MAGI1: variants seen among roughly 807,000 people sequenced by gnomAD.
MAGI1 encodes membrane-associated guanylate kinase, WW and PDZ domain-containing protein 1.
A neutral mutation model predicts 139.9 loss-of-function variants in MAGI1; 58 were observed. The observed-to-expected ratio is 0.41, with a 90% CI of 0.34 to 0.52. The LOEUF is 0.52. Among genes scored for constraint, MAGI1 ranks in the 20% least tolerant of loss-of-function variants. The pLI is 0.12. For missense variants in MAGI1, 1,874 were observed against 1,901.6 expected (o/e 0.99, Z 0.27); for synonymous variants, 812 against 737.9 (o/e 1.10, Z -1.63).
chr3:65,703,833 G>C (rs927912003), intron 1 of MAGI1, among the ~76,000 whole-genome samples: 3 of 152,140 alleles, frequency 2.0e-5, no homozygotes, highest in Non-Finnish European at 4.4e-5. Context: ...ATTAGTAATA[G>C]CAATGAGGAT....
Position 66,038,053 on chromosome 3 carries a change from C to A in MAGI1, c.256G>T (p.Val86Leu). 1.2e-6 allele frequency: 2 copies of A among 1,611,716 alleles called. No homozygotes were observed. The highest frequency in any genetic ancestry group is 1.7e-6 in the Non-Finnish European group (2 of 1,178,946). Residue 86 changes from valine to leucine, a missense_variant, in exon 1 of 23, where the codon GTG becomes TTG. Coordinates refer to ENST00000402939, the MANE Select transcript of MAGI1 (RefSeq NM_001033057.2). ...VRVSGLPRYD[V>L]LGVIDSCKEA... ...TTGCAGCTGTCGATGACCCCCAGCA[C>A]GTCATAGCGGGGCAAGCCGGACACC... is the stretch of plus-strand genomic sequence containing the variant.
chr3:65,539,723 G>A (rs1008657062), intron 2 of MAGI1, among the ~76,000 whole-genome samples: 7 of 152,132 alleles, frequency 4.6e-5, no homozygotes, highest in African/African-American at 1.7e-4. Context: ...TATGAAGAGA[G>A]GCCTGTGCCT....
chr3:66,006,654 A>C (rs1189284040), intron 1 of MAGI1, among the ~76,000 whole-genome samples: 1 of 152,198 alleles, frequency 6.6e-6, no homozygotes, highest in Non-Finnish European at 1.5e-5. Flanking sequence ...GTTTCTAATG[A>C]TGTCACATAT....
At chr3:65,625,637 A>C (rs565588761) in intron 1 of MAGI1, among the ~76,000 whole-genome samples, 1 of 152,312 alleles carries the variant, frequency 6.6e-6, no homozygotes, top group South Asian at 2.1e-4. Context: ...GAAAGATGGA[A>C]ATTATAATTA....
intron 2 of MAGI1, among the ~76,000 whole-genome samples, chr3:65,504,060 C>A (rs979787677): frequency 6.6e-6 from 1 of 152,150 alleles, no homozygotes; most frequent in African/African-American, 2.4e-5. Flanking sequence ...CTAGGGCAAG[C>A]AAATGGTTCC....
intron 1 of MAGI1, among the ~76,000 whole-genome samples, chr3:65,685,586 A>G (rs2087953997): frequency 6.6e-6 from 1 of 152,220 alleles, no homozygotes; most frequent in Admixed American, 6.5e-5. Context: ...CAGTTAAGAA[A>G]CTATCTGAGG....
In MAGI1 at chr3:66,038,582, C is replaced by T. The variant is rs2069066052; in HGVS notation, c.-274G>A. The T allele has an allele frequency of 2.3e-6, 1 of 436,292 alleles. No individual in the cohort carries two copies. The highest frequency in any genetic ancestry group is 5.4e-5 in the South Asian group (1 of 18,558). The allele number at this position is 436,292 out of a possible 1,614,324, so 27.0% of individuals were successfully genotyped here. ...CTGGGTCCACGTTCCGGCGCCCGCC[C>T]GTGCTCTCCCGGACCAGAGTCCACT... On this transcript the variant is annotated 5_prime_UTR_variant, in exon 1 of 23. Transcript: ENST00000402939.
At chr3:65,466,678 G>A (rs1950195720) in intron 5 of MAGI1, among the ~76,000 whole-genome samples, 1 of 152,192 alleles carries the variant, frequency 6.6e-6, no homozygotes, top group Admixed American at 6.5e-5. Context: ...CCAGTGGGGA[G>A]GAAGAGGGTG....
At chr3:66,002,646 C>T (rs2066806735) in intron 1 of MAGI1, among the ~76,000 whole-genome samples, 1 of 152,120 alleles carries the variant, frequency 6.6e-6, no homozygotes, top group Admixed American at 6.5e-5. Context: ...TCCCGAGTAG[C>T]TGGGATCACA....
At chr3:65,949,349 C>T (rs978458426) in intron 1 of MAGI1, among the ~76,000 whole-genome samples, 1 of 152,210 alleles carries the variant, frequency 6.6e-6, no homozygotes, top group African/African-American at 2.4e-5. Flanking sequence ...TTACTACTAG[C>T]TGGCTGGAAA....
chr3:65,588,715 A>C (rs1390470165), intron 2 of MAGI1, among the ~76,000 whole-genome samples: 1 of 152,168 alleles, frequency 6.6e-6, no homozygotes, highest in East Asian at 1.9e-4. Flanking sequence ...TCTCTACTAA[A>C]ATAAAAGTTC....
At chr3:65,696,554 T>C (rs2089210779) in intron 1 of MAGI1, among the ~76,000 whole-genome samples, 1 of 152,172 alleles carries the variant, frequency 6.6e-6, no homozygotes, top group African/African-American at 2.4e-5. Context: ...ATTAAAATGA[T>C]TAAGGCCATT....
intron 1 of MAGI1, chr3:66,008,966 G>A (rs928470522): frequency 2.0e-5 from 3 of 152,202 alleles, no homozygotes; most frequent in Non-Finnish European, 2.9e-5. Flanking sequence ...GAGGAAGCAG[G>A]TCTCAGACCC....
At chr3:65,631,611 T>C (rs2084307597) in intron 1 of MAGI1, among the ~76,000 whole-genome samples, 1 of 152,204 alleles carries the variant, frequency 6.6e-6, no homozygotes, top group Non-Finnish European at 1.5e-5. Flanking sequence ...AGGCCCTTGA[T>C]ACAAATTCCC....
In MAGI1 at chr3:65,792,766, A is replaced by G. The variant is rs901473037; in HGVS notation, c.314-170678T>C. Among the ~76,000 whole-genome samples the G allele has an allele frequency of 3.9e-5, 6 of 152,126 alleles. 1 individual carries two copies. Among genetic ancestry groups the G allele is most frequent in the Admixed American group, 2.6e-4 (4 of 15,278 alleles). ...AAGGTTCATTACACTACTCAGAACCACATGCAGTTTAAAACTTATGAATTG... is the reference window on the plus strand; with the variant it reads ...AAGGTTCATTACACTACTCAGAACCGCATGCAGTTTAAAACTTATGAATTG... On this transcript the variant is annotated intron_variant, in intron 1 of 22. Transcript: ENST00000402939.
At chr3:65,472,029 C>T (rs1457445655) in intron 4 of MAGI1, among the ~76,000 whole-genome samples, 2 of 152,196 alleles carry the variant, frequency 1.3e-5, no homozygotes, top group East Asian at 3.9e-4. Flanking sequence ...CAAGGATGTC[C>T]CTCATTTTGT....
chr3:65,460,615 T>G (rs1949715006), intron 5 of MAGI1, among the ~76,000 whole-genome samples: 1 of 152,130 alleles, frequency 6.6e-6, no homozygotes, highest in Non-Finnish European at 1.5e-5. Context: ...GTTACACAGG[T>G]ATACATGTGC....
chr3:65,431,005 A>T, intron 10 of MAGI1, 124 bp from the exon 11 acceptor site: 3 of 876,246 alleles, frequency 3.4e-6, no homozygotes, highest in South Asian at 1.8e-5. Flanking sequence ...GGCATATAGC[A>T]TCTTAAGAAA....
At chr3:65,524,696 T>C (rs914916109) in intron 2 of MAGI1, among the ~76,000 whole-genome samples, 2 of 152,202 alleles carry the variant, frequency 1.3e-5, no homozygotes, top group Admixed American at 1.3e-4. Flanking sequence ...ATGTAGACTC[T>C]ACTGCAGAAC....
Sources: gnomAD v4.1 joint callset for allele counts (sites outside exome capture counted in the v4.1 genomes callset) on GRCh38, gnomAD v4.1.1 for gene constraint, MANE v1.5 for transcripts, NCBI Gene and HGNC (gene_info 2026-07-23, HGNC 2026-07-21) for gene names.